KYNU: variants seen among roughly 807,000 people sequenced by gnomAD.
KYNU encodes L-kynurenine hydrolase.
In KYNU, 54 loss-of-function variants were observed where a neutral mutation model predicts 59.2. The observed-to-expected ratio is 0.91, with a 90% CI of 0.73 to 1.14. The LOEUF (loss-of-function observed/expected upper bound fraction) is 1.14, where lower values mean the gene tolerates loss of function less well. Ranked by LOEUF, KYNU falls within the 50% of genes most tolerant of loss-of-function variation. The pLI is 0.00. For synonymous variants in KYNU, 177 were observed against 192.0 expected, an observed-to-expected ratio of 0.92 and a Z score of 0.65; for missense variants, 567 against 554.4, an observed-to-expected ratio of 1.02 and a Z score of -0.23.
chr2:142,959,425 A>G (rs1479537582), intron 7 of KYNU, among the ~76,000 whole-genome samples: 1 of 152,100 alleles, frequency 6.6e-6, no homozygotes, highest in East Asian at 1.9e-4. Flanking sequence ...CATCTCTATT[A>G]AAAATACAAA....
rs1243154732 is a variant in KYNU, at chr2:143,051,084, T to A, written c.*8912T>A. ...CAAGATTTAGTCTCAAATAACACAA[T>A]AATAATGGAGGTCATTGTGAAGTAG... On this transcript the variant is annotated 3_prime_UTR_variant, in exon 14 of 14. Coordinates refer to ENST00000264170, the MANE Select transcript of KYNU (RefSeq NM_003937.3). 2 of 152,210 alleles carry A rather than the reference T, an allele frequency of 1.3e-5. No homozygotes were observed. Among genetic ancestry groups the A allele is most frequent in the African/African-American group, 4.8e-5 (2 of 41,464 alleles). 9.4% of individuals were successfully genotyped at this position (152,210 alleles called of 1,614,324 possible). A position where few individuals can be genotyped will look rare whatever the true frequency, so the allele number is the denominator to read the frequency against.
chr2:142,938,916 T>C lies in KYNU; in HGVS notation c.373+11175T>C, dbSNP rs144418602. Among the ~76,000 whole-genome samples the C allele has an allele frequency of 4.0e-5, 6 of 150,506 alleles. No individual in the cohort carries two copies. The East Asian group carries it at 7.8e-4, about 20-fold the overall frequency. ...CGAGAGGATCACTTAAGCCCAGGAGTTCAAGACCAGTTGAGGCAAAATAGT... is the reference window on the plus strand; with the variant it reads ...CGAGAGGATCACTTAAGCCCAGGAGCTCAAGACCAGTTGAGGCAAAATAGT... On this transcript the variant is annotated intron_variant, in intron 4 of 13. Coordinates refer to ENST00000264170, the MANE Select transcript of KYNU (RefSeq NM_003937.3).
intron 2 of KYNU, among the ~76,000 whole-genome samples, chr2:142,890,259 T>A (rs1681671754): frequency 6.6e-6 from 1 of 152,228 alleles, no homozygotes; most frequent in East Asian, 1.9e-4. Flanking sequence ...CTAAAATTTT[T>A]AAAATAATAA....
chr2:142,889,554 G>A, intron 2 of KYNU, among the ~76,000 whole-genome samples: 1 of 103,028 alleles, frequency 9.7e-6, no homozygotes, highest in East Asian at 3.0e-4. Flanking sequence ...CCTTGTTTCT[G>A]AGGCCCTCTC....
intron 10 of KYNU, among the ~76,000 whole-genome samples, chr2:142,990,212 C>G (rs766781049): frequency 1.3e-5 from 2 of 151,760 alleles, no homozygotes; most frequent in African/African-American, 4.8e-5. Flanking sequence ...TTTTGCCCCA[C>G]TTCAAGGTAG....
intron 2 of KYNU, among the ~76,000 whole-genome samples, chr2:142,905,002 T>G (rs772302443): frequency 6.6e-6 from 1 of 152,172 alleles, no homozygotes; most frequent in African/African-American, 2.4e-5. Context: ...ACAACCTGGC[T>G]GCCCATCAAG....
At chr2:142,920,208 T>C (rs1380432399) in intron 3 of KYNU, among the ~76,000 whole-genome samples, 1 of 152,260 alleles carries the variant, frequency 6.6e-6, no homozygotes, top group African/African-American at 2.4e-5. Context: ...ATATAATTTA[T>C]TAATCATGTT....
intron 12 of KYNU, among the ~76,000 whole-genome samples, chr2:143,035,015 G>A (rs1257783211): frequency 6.6e-6 from 1 of 152,176 alleles, no homozygotes; most frequent in Non-Finnish European, 1.5e-5. Flanking sequence ...GGGAAAGGAA[G>A]CACATTCCTA....
chr2:142,986,382 A>G (rs1685199330), intron 10 of KYNU, among the ~76,000 whole-genome samples: 1 of 151,902 alleles, frequency 6.6e-6, no homozygotes, highest in Non-Finnish European at 1.5e-5. Context: ...AGGCAACCAG[A>G]GCTGTGCCTA....
chr2:143,042,253 GAA>G lies in KYNU; in HGVS notation c.*83_*84del, dbSNP rs1487229207. ...CAGTATTATTCGATTTTTAATTATT[GAA>G]AGTATGTCACCATTGACCACATGTA... On this transcript the variant is annotated 3_prime_UTR_variant, in exon 14 of 14. Transcript: ENST00000264170. The G allele has an allele frequency of 7.5e-7, 1 of 1,337,400 alleles. No individual in the cohort carries two copies. Among genetic ancestry groups the G allele is most frequent in the Non-Finnish European group, 1.1e-6 (1 of 945,724 alleles). The allele number at this position is 1,337,400 out of a possible 1,614,324, so 82.8% of individuals were successfully genotyped here.
At chr2:143,001,631 T>A (rs1472423525) in intron 10 of KYNU, among the ~76,000 whole-genome samples, 1 of 152,180 alleles carries the variant, frequency 6.6e-6, no homozygotes, top group African/African-American at 2.4e-5. Flanking sequence ...TTTTACTCCC[T>A]CCTTCAACTT....
intron 2 of KYNU, among the ~76,000 whole-genome samples, chr2:142,912,810 C>T (rs551581591): frequency 5.4e-5 from 8 of 148,940 alleles, no homozygotes; most frequent in Non-Finnish European, 1.0e-4. Flanking sequence ...CCCGGGTTCA[C>T]GCCATTCACC....
intron 4 of KYNU, among the ~76,000 whole-genome samples, chr2:142,939,545 T>C (rs1001395894): frequency 3.7e-5 from 5 of 133,932 alleles, no homozygotes; most frequent in African/African-American, 2.9e-5. Context: ...GAGGTTGCAG[T>C]GAGCTGAGAT....
At position 143,050,347 on chromosome 2, in the gene KYNU, C is replaced by G. The variant is rs1687243192; in HGVS notation, c.*8175C>G. 2 of 151,942 alleles carry G rather than the reference C, an allele frequency of 1.3e-5. No individual in the cohort carries two copies. Among genetic ancestry groups the G allele is most frequent in the South Asian group, 2.1e-4 (1 of 4,808 alleles). 9.4% of individuals were successfully genotyped at this position (151,942 alleles called of 1,614,324 possible). On this transcript the variant is annotated 3_prime_UTR_variant, in exon 14 of 14. Coordinates refer to ENST00000264170, the MANE Select transcript of KYNU (RefSeq NM_003937.3). ...GCCCTGGTGTGTGTTGTTCCCCTCT[C>G]TGTGTCCATGTATTCTCGCCTCCCA... is the stretch of plus-strand genomic sequence containing the variant.
At chr2:142,991,876 A>G (rs1044718924) in intron 10 of KYNU, among the ~76,000 whole-genome samples, 8 of 151,890 alleles carry the variant, frequency 5.3e-5, no homozygotes, top group Non-Finnish European at 8.8e-5. Flanking sequence ...GCAAATTGCA[A>G]GAGTTTGTCA....
At chr2:142,908,811 T>TA (rs1682384209) in intron 2 of KYNU, among the ~76,000 whole-genome samples, 1 of 152,124 alleles carries the variant, frequency 6.6e-6, no homozygotes, top group South Asian at 2.1e-4. Flanking sequence ...ATTTTTTGTA[T>TA]TTTTAGTAGA....
In KYNU at chr2:143,012,672, A is replaced by G. The variant is rs547947813; in HGVS notation, c.903-16955A>G. Among the ~76,000 whole-genome samples the G allele has an allele frequency of 5.3e-5, 8 of 152,278 alleles. No homozygotes were observed. In the South Asian group the frequency reaches 1.7e-3, roughly 32 times the overall value. On this transcript the variant is annotated intron_variant, in intron 10 of 13. Transcript: ENST00000264170. Reference sequence around the variant, plus strand: ...TCGCTGTAGTGAAGCAGATTAAGATATCCACCTTCATGCAGTTACCCATTT... The same window carrying G: ...TCGCTGTAGTGAAGCAGATTAAGATGTCCACCTTCATGCAGTTACCCATTT...
intron 4 of KYNU, among the ~76,000 whole-genome samples, chr2:142,942,054 G>C (rs945763173): frequency 6.6e-6 from 1 of 150,920 alleles, no homozygotes; most frequent in African/African-American, 2.4e-5. Flanking sequence ...GTACATTCCT[G>C]TAGTCCCAGC....
rs1316400963 is a variant in KYNU at position 143,046,803 on chromosome 2, A to G, written c.*4631A>G. On this transcript the variant is annotated 3_prime_UTR_variant, in exon 14 of 14. Transcript: ENST00000264170. ...TTTTTTTATATTTTTGAATACATCT[A>G]AATAAATTTAGAATAAATCTATTGT... 1 of 152,052 alleles carries G rather than the reference A, an allele frequency of 6.6e-6. No homozygotes were observed. Among genetic ancestry groups the G allele is most frequent in the African/African-American group, 2.4e-5 (1 of 41,414 alleles). 9.4% of individuals were successfully genotyped at this position (152,052 alleles called of 1,614,324 possible).
Sources: allele counts gnomAD v4.1 joint callset (sites outside exome capture counted in the v4.1 genomes callset), GRCh38; gene constraint gnomAD v4.1.1; transcripts MANE v1.5; gene names NCBI Gene and HGNC (gene_info 2026-07-23, HGNC 2026-07-21).